The following MIPOL1 variants were observed in gnomAD, a reference collection of about 807,000 sequenced individuals.
The protein encoded by MIPOL1 is mirror-image polydactyly gene 1 protein.
A neutral mutation model predicts 60.9 loss-of-function variants in MIPOL1; 57 were observed. That is an observed-to-expected ratio of 0.94 (90% confidence interval 0.76 to 1.17). The LOEUF (loss-of-function observed/expected upper bound fraction) is 1.17. MIPOL1 is among the 50% of genes most tolerant of loss of function. The probability of loss-of-function intolerance (pLI) is 0.00; values close to 1 mark genes in which losing one functional copy is unlikely to be tolerated. For synonymous variants in MIPOL1, 179 were observed against 168.8 expected (o/e 1.06, Z -0.47); for missense variants, 551 against 511.6 (o/e 1.08, Z -0.74).
chr14:37,258,094 C>A (rs2153372669), intron 3 of MIPOL1, among the ~76,000 whole-genome samples: 1 of 152,280 alleles, frequency 6.6e-6, no homozygotes, highest in African/African-American at 2.4e-5. Context: ...AGACCAAACA[C>A]AATCATCCAT....
rs138920362 is a variant in MIPOL1, at chr14:37,416,039, G to A, written c.937-6816G>A. Among the ~76,000 whole-genome samples, 477 of 152,114 alleles carry A rather than the reference G, an allele frequency of 3.1e-3. 17 individuals are homozygous for A. The East Asian group carries it at 0.074, about 24-fold the overall frequency. On this transcript the variant is annotated intron_variant, in intron 10 of 12. Transcript: ENST00000684589. ...CCTCTCTTCTAAAACAATAGAAATAGCATTTATTCATTCATTCATACTTGA... is the reference window on the plus strand; with the variant it reads ...CCTCTCTTCTAAAACAATAGAAATAACATTTATTCATTCATTCATACTTGA...
intron 12 of MIPOL1, among the ~76,000 whole-genome samples, chr14:37,544,018 A>T (rs2095538844): frequency 6.6e-6 from 1 of 152,238 alleles, no homozygotes; most frequent in Non-Finnish European, 1.5e-5. Context: ...TTTTGTTTTA[A>T]ATATACTGAG....
At chr14:37,282,747 CAAAAAA>C (rs59301708) in intron 6 of MIPOL1, among the ~76,000 whole-genome samples, 4 of 67,898 alleles carry the variant, frequency 5.9e-5, no homozygotes, top group East Asian at 5.2e-4. Context: ...GACCCTGTCT[CAAAAAA>C]AAAAAAAAAA....
In MIPOL1 at chr14:37,491,522, CTG is replaced by C. The variant is rs570983252; in HGVS notation, c.1032-8384_1032-8383del. On this transcript the variant is annotated intron_variant, in intron 11 of 12. Transcript: ENST00000684589. ...CCAGCCTAGGTGAAAGAGCAAGACT[CTG>C]TCTCAAAAAAACCTCCAAAAATTTA... 1.1e-3 allele frequency among the ~76,000 whole-genome samples: 163 copies of C among 152,266 alleles called. 1 individual carries two copies. Among genetic ancestry groups the C allele is most frequent in the African/African-American group, 3.9e-3 (160 of 41,554 alleles).
chr14:37,451,808 C>CTTTT lies in MIPOL1; in HGVS notation c.1031+28880_1031+28883dup, dbSNP rs535978128. ...CTTAAGGTTCTTTTGTTTATTCTCT[C>CTTTT]TTTTTTTTTTTTTTTTTTTTTTTTG... On this transcript the variant is annotated intron_variant, in intron 11 of 12. Transcript: ENST00000684589. 7.2e-4 allele frequency among the ~76,000 whole-genome samples: 61 copies of CTTTT among 84,566 alleles called. 3 individuals carry two copies. Among genetic ancestry groups the CTTTT allele is most frequent in the African/African-American group, 3.4e-3 (54 of 15,750 alleles). The allele number at this position is 84,566 out of a possible 152,430, so 55.5% of individuals were successfully genotyped here. A position where few individuals can be genotyped will look rare whatever the true frequency, so the allele number is the denominator to read the frequency against.
intron 10 of MIPOL1, among the ~76,000 whole-genome samples, chr14:37,374,215 CT>C (rs2092714167): frequency 6.6e-6 from 1 of 152,046 alleles, no homozygotes; most frequent in African/African-American, 2.4e-5. Flanking sequence ...CCCTTGCCCA[CT>C]TTTTGATGGG....
intron 10 of MIPOL1, among the ~76,000 whole-genome samples, chr14:37,404,012 TG>T (rs1277437991): frequency 1.3e-5 from 2 of 152,206 alleles, no homozygotes; most frequent in Admixed American, 6.5e-5. Flanking sequence ...TTGCATTTCT[TG>T]TTAGTAAAAA....
chr14:37,460,745 A>C (rs1171759862), intron 11 of MIPOL1, among the ~76,000 whole-genome samples: 1 of 152,212 alleles, frequency 6.6e-6, no homozygotes, highest in African/African-American at 2.4e-5. Context: ...TCAAGAACTC[A>C]GTCCCATTTA....
chr14:37,260,091 A>G (rs1367923899), intron 3 of MIPOL1, among the ~76,000 whole-genome samples: 1 of 151,906 alleles, frequency 6.6e-6, no homozygotes, highest in Non-Finnish European at 1.5e-5. Flanking sequence ...CTCTCCATAT[A>G]TTCTTTAGCT....
chr14:37,464,497 T>A (rs1295520259), intron 11 of MIPOL1, among the ~76,000 whole-genome samples: 1 of 152,192 alleles, frequency 6.6e-6, no homozygotes, highest in Non-Finnish European at 1.5e-5. Flanking sequence ...TCAATTACTC[T>A]GTGTTCTCAT....
intron 12 of MIPOL1, among the ~76,000 whole-genome samples, chr14:37,520,997 C>T (rs1240414940): frequency 7.9e-6 from 1 of 127,208 alleles, no homozygotes; most frequent in Admixed American, 9.7e-5. Flanking sequence ...AATGCAATGG[C>T]AAGATCTCGG....
At chr14:37,402,910 G>A (rs1309010335) in intron 10 of MIPOL1, among the ~76,000 whole-genome samples, 1 of 152,166 alleles carries the variant, frequency 6.6e-6, no homozygotes, top group African/African-American at 2.4e-5. Flanking sequence ...TGCTTCAGTA[G>A]TAGCCATGGC....
chr14:37,387,288 ATAAC>A (rs1466762143), intron 10 of MIPOL1, among the ~76,000 whole-genome samples: 1 of 151,904 alleles, frequency 6.6e-6, no homozygotes, highest in Non-Finnish European at 1.5e-5. Flanking sequence ...TTACATAAAA[ATAAC>A]TATAATATAT....
chr14:37,338,781 G>T (rs2090374367), intron 9 of MIPOL1, among the ~76,000 whole-genome samples: 1 of 152,098 alleles, frequency 6.6e-6, no homozygotes, highest in South Asian at 2.1e-4. Context: ...TGGAATAGCT[G>T]GGTATCAGAA....
chr14:37,524,880 TA>T (rs2095437807), intron 12 of MIPOL1, among the ~76,000 whole-genome samples: 1 of 151,938 alleles, frequency 6.6e-6, no homozygotes, highest in Non-Finnish European at 1.5e-5. Context: ...AAGCTTATTT[TA>T]AAAAGACAAA....
At chr14:37,270,040 G>T (rs1008515310) in intron 5 of MIPOL1, among the ~76,000 whole-genome samples, 4 of 152,030 alleles carry the variant, frequency 2.6e-5, no homozygotes, top group African/African-American at 4.8e-5. Context: ...TGTTGGCCAG[G>T]CTGGTCTCAA....
chr14:37,236,387 C>T (rs989862852), intron 1 of MIPOL1, among the ~76,000 whole-genome samples: 1 of 152,054 alleles, frequency 6.6e-6, no homozygotes, highest in Non-Finnish European at 1.5e-5. Context: ...GCCCCCCTCC[C>T]ACTTTTTTTG....
intron 9 of MIPOL1, among the ~76,000 whole-genome samples, chr14:37,330,569 A>G (rs979148439): frequency 1.3e-5 from 2 of 152,164 alleles, no homozygotes; most frequent in African/African-American, 4.8e-5. Flanking sequence ...TTGGATTACC[A>G]TTTCCTCTTG....
rs375043489 is a variant in MIPOL1, at chr14:37,350,432, T to C, written c.829-19085T>C. ...TTTCTTTCCTATTTTTTTTTTACTT[T>C]ATGTATTTAACAATTTTTTTTAATT... is the stretch of plus-strand genomic sequence containing the variant. On this transcript the variant is annotated intron_variant, in intron 9 of 12. Coordinates refer to ENST00000684589, the MANE Select transcript of MIPOL1 (RefSeq NM_001388067.1). 2.5e-3 allele frequency among the ~76,000 whole-genome samples: 373 copies of C among 152,172 alleles called. 1 individual carries two copies. Among genetic ancestry groups the C allele is most frequent in the African/African-American group, 8.4e-3 (350 of 41,540 alleles).
Sources: allele counts gnomAD v4.1 joint callset (sites outside exome capture counted in the v4.1 genomes callset), GRCh38; gene constraint gnomAD v4.1.1; transcripts MANE v1.5; gene names NCBI Gene and HGNC (gene_info 2026-07-23, HGNC 2026-07-21).